RAMP1: variants seen among roughly 807,000 people sequenced by gnomAD.
RAMP1 encodes receptor activity-modifying protein 1.
RAMP1 carries 7 observed loss-of-function variants against 8.2 expected under a neutral mutation model. The observed-to-expected ratio is 0.85, with a 90% CI of 0.49 to 1.60. The LOEUF is 1.60. Among genes scored for constraint, RAMP1 ranks in the 40% most tolerant of loss-of-function variants. The probability of loss-of-function intolerance (pLI) is 0.00; values close to 1 mark genes in which losing one functional copy is unlikely to be tolerated. For missense variants in RAMP1, 192 were observed against 202.4 expected, an observed-to-expected ratio of 0.95 and a Z score of 0.31; for synonymous variants, 92 against 84.7, an observed-to-expected ratio of 1.09 and a Z score of -0.47.
In RAMP1 at chr2:237,902,529, C is replaced by G. The variant is rs1386962902; in HGVS notation, c.192-8999C>G. On this transcript the variant is annotated intron_variant, in intron 2 of 2. Coordinates refer to ENST00000254661, the MANE Select transcript of RAMP1 (RefSeq NM_005855.4). ...TCCTGCCCCCAGGGCCCACCCCGCACCCCCACTCACCCTTCCACAGAGCCC... is the reference window on the plus strand; with the variant it reads ...TCCTGCCCCCAGGGCCCACCCCGCAGCCCCACTCACCCTTCCACAGAGCCC... Among the ~76,000 whole-genome samples the G allele has an allele frequency of 3.3e-5, 5 of 152,082 alleles. No homozygotes were observed. The East Asian group carries it at 9.6e-4, about 29-fold the overall frequency.
In RAMP1 at chr2:237,877,927, C is replaced by T; in HGVS notation, c.191+565C>T. On this transcript the variant is annotated intron_variant, in intron 2 of 2. Coordinates refer to ENST00000254661, the MANE Select transcript of RAMP1 (RefSeq NM_005855.4). This position sits in a 1 kb window ranked among gnomAD's most constrained non-coding sequence, Gnocchi z 4.4. ...CTTCTTCCCGCTTGAGGGGCTCCCT[C>T]ATTGCCTCCCTCAGCCTCCTGGGTG... The T allele has an allele frequency of 1.0e-6, 1 of 984,108 alleles. No individual in the cohort carries two copies. The highest frequency in any genetic ancestry group is 1.2e-6 in the Non-Finnish European group (1 of 828,670). 61.0% of individuals were successfully genotyped at this position (984,108 alleles called of 1,614,324 possible).
chr2:237,864,313 T>C (rs1326051666), intron 1 of RAMP1, among the ~76,000 whole-genome samples: 2 of 137,606 alleles, frequency 1.5e-5, no homozygotes, highest in African/African-American at 3.6e-5. Context: ...TGCCCAACCA[T>C]GCGCGTGTTT....
chr2:237,866,922 T>C (rs924615114), intron 1 of RAMP1, among the ~76,000 whole-genome samples: 2 of 151,882 alleles, frequency 1.3e-5, no homozygotes, highest in African/African-American at 4.8e-5. Flanking sequence ...AGAGACGGGG[T>C]TTCACTATCT....
intron 2 of RAMP1, among the ~76,000 whole-genome samples, chr2:237,888,057 G>C (rs13012804): frequency 0.4 from 60,967 of 151,712 alleles, 13,454 homozygotes; most frequent in Non-Finnish European, 0.5. Context: ...CTGTGGTTCT[G>C]GGGGGTTTTT....
chr2:237,907,554 A>ATG (rs2062666191), intron 2 of RAMP1, among the ~76,000 whole-genome samples: 2 of 38,964 alleles, frequency 5.1e-5, no homozygotes, highest in South Asian at 1.5e-3. Flanking sequence ...TTCTACTGAC[A>ATG]TCTTCAATTT....
chr2:237,866,804 C>T (rs1305105882), intron 1 of RAMP1, among the ~76,000 whole-genome samples: 1 of 151,890 alleles, frequency 6.6e-6, no homozygotes, highest in Non-Finnish European at 1.5e-5. Flanking sequence ...TCTTGGCTCA[C>T]CACAACCTCC....
At chr2:237,873,556 C>G (rs938525751) in intron 1 of RAMP1, among the ~76,000 whole-genome samples, 1 of 152,218 alleles carries the variant, frequency 6.6e-6, no homozygotes, top group African/African-American at 2.4e-5. Context: ...CCCCCTCAAG[C>G]AACACTGAGT....
chr2:237,867,594 G>C (rs2062201797), intron 1 of RAMP1, among the ~76,000 whole-genome samples: 1 of 152,208 alleles, frequency 6.6e-6, no homozygotes, highest in Non-Finnish European at 1.5e-5. Context: ...AACCTGCCCA[G>C]CTGGACATTG....
chr2:237,882,754 G>A (rs302680), intron 2 of RAMP1, among the ~76,000 whole-genome samples: 133,089 of 152,144 alleles, frequency 0.87, 58,593 homozygotes, highest in African/African-American at 0.97. Context: ...CTAGTGGAGG[G>A]GAAGAGGGCC....
At chr2:237,897,827 C>A (rs995941028) in intron 2 of RAMP1, among the ~76,000 whole-genome samples, 2 of 151,142 alleles carry the variant, frequency 1.3e-5, no homozygotes, top group Admixed American at 6.6e-5. Flanking sequence ...GAGATGGGGT[C>A]TCGCTCTTTC....
chr2:237,905,704 A>T (rs966048689), intron 2 of RAMP1, among the ~76,000 whole-genome samples: 1 of 152,124 alleles, frequency 6.6e-6, no homozygotes, highest in Admixed American at 6.5e-5. Context: ...ATGGGAGAGG[A>T]TCATCATTCA....
At chr2:237,901,206 C>T (rs942511534) in intron 2 of RAMP1, among the ~76,000 whole-genome samples, 3 of 152,256 alleles carry the variant, frequency 2.0e-5, no homozygotes, top group Non-Finnish European at 4.4e-5. Context: ...GTACATCCCT[C>T]TCTCGCTGTC....
At chr2:237,864,532 G>A (rs1372334290) in intron 1 of RAMP1, among the ~76,000 whole-genome samples, 4 of 152,258 alleles carry the variant, frequency 2.6e-5, no homozygotes, top group East Asian at 1.9e-4. Context: ...GCGCTGCACC[G>A]TTTCTCCTGG....
chr2:237,907,962 C>T (rs558898490), intron 2 of RAMP1, among the ~76,000 whole-genome samples: 11 of 152,280 alleles, frequency 7.2e-5, no homozygotes, highest in South Asian at 2.1e-4. Flanking sequence ...TCTGTCAGAC[C>T]GTTAGTGTGG....
chr2:237,867,051 G>T (rs2062194620), intron 1 of RAMP1, among the ~76,000 whole-genome samples: 1 of 152,042 alleles, frequency 6.6e-6, no homozygotes, highest in South Asian at 2.1e-4. Flanking sequence ...TTATAATGAA[G>T]TAAGCTAGAG....
At chr2:237,888,440 T>C (rs2062457176) in intron 2 of RAMP1, among the ~76,000 whole-genome samples, 1 of 152,250 alleles carries the variant, frequency 6.6e-6, no homozygotes, top group African/African-American at 2.4e-5. Context: ...TGAAAATGCC[T>C]AGTTCCTCAT....
chr2:237,863,359 T>C (rs1240599962), intron 1 of RAMP1, among the ~76,000 whole-genome samples: 1 of 152,120 alleles, frequency 6.6e-6, no homozygotes, highest in Admixed American at 6.5e-5. Flanking sequence ...CCTGCCTACC[T>C]CTGACACATC....
rs1240849698 is a variant in RAMP1, at chr2:237,878,869, C to T, written c.191+1507C>T. Among the ~76,000 whole-genome samples the T allele has an allele frequency of 2.0e-5, 3 of 152,234 alleles. No homozygotes were observed. Among genetic ancestry groups the T allele is most frequent in the East Asian group, 1.9e-4 (1 of 5,198 alleles). ...GTTCAGGTGGGAGAGTTGGTGCTCC[C>T]GAAGGTGGGAGGGCCAAAGTCACGG... On this transcript the variant is annotated intron_variant, in intron 2 of 2. Transcript: ENST00000254661. This position sits in a 1 kb window ranked among gnomAD's most constrained non-coding sequence, Gnocchi z 5.7.
At chr2:237,863,236 A>G (rs969487077) in intron 1 of RAMP1, among the ~76,000 whole-genome samples, 1 of 152,184 alleles carries the variant, frequency 6.6e-6, no homozygotes, top group African/African-American at 2.4e-5. Context: ...TGGTGGCTCC[A>G]GCACTTGCTG....
Sources: allele counts gnomAD v4.1 joint callset (sites outside exome capture counted in the v4.1 genomes callset), GRCh38; gene constraint gnomAD v4.1.1; non-coding constraint Gnocchi (gnomAD v3.1); transcripts MANE v1.5; gene names NCBI Gene and HGNC (gene_info 2026-07-23, HGNC 2026-07-21).